PM20D1: variants seen among roughly 807,000 people sequenced by gnomAD.
The protein encoded by PM20D1 is N-fatty-acyl-amino acid synthase/hydrolase PM20D1.
In PM20D1, 53 loss-of-function variants were observed where a neutral mutation model predicts 53.8. That is an observed-to-expected ratio of 0.98 (90% confidence interval 0.79 to 1.24). PM20D1 has a LOEUF of 1.24. Among genes scored for constraint, PM20D1 ranks in the 50% most tolerant of loss-of-function variants. PM20D1 has a pLI of 0.00. For synonymous variants in PM20D1, 239 were observed against 241.3 expected, an observed-to-expected ratio of 0.99 and a Z score of 0.09; for missense variants, 564 against 616.8, an observed-to-expected ratio of 0.91 and a Z score of 0.91.
intron 4 of PM20D1, 92 bp downstream of exon 4, chr1:205,844,719 T>C: frequency 8.4e-7 from 1 of 1,183,496 alleles, no homozygotes; most frequent in East Asian, 2.4e-5. Context: ...CATGGAGACC[T>C]TGCTGCTGTG....
intron 8 of PM20D1, 78 bp downstream of exon 8, chr1:205,842,076 G>T: frequency 1.4e-6 from 2 of 1,431,222 alleles, no homozygotes; most frequent in South Asian, 1.2e-5. Context: ...GTCAGGCCCA[G>T]TTAAGCCAAG....
intron 11 of PM20D1, among the ~76,000 whole-genome samples, chr1:205,831,343 C>G (rs1656556164): frequency 6.6e-6 from 1 of 152,100 alleles, no homozygotes; most frequent in Non-Finnish European, 1.5e-5. Flanking sequence ...TCTGCAAAAG[C>G]CTGGCCCCAT....
At chr1:205,830,483 A>G (rs1656534610) in intron 11 of PM20D1, 104 bp from the exon 12 acceptor site, 1 of 762,804 alleles carries the variant, frequency 1.3e-6, no homozygotes, top group East Asian at 2.5e-5. Flanking sequence ...CTGGATCACT[A>G]CAGAGCAATG....
Position 205,832,666 on chromosome 1 carries a change from G to T in PM20D1, c.1217C>A (p.Ala406Asp). The T allele has an allele frequency of 1.2e-6, 2 of 1,614,134 alleles. No individual in the cohort carries two copies. The highest frequency in any genetic ancestry group is 1.7e-6 in the Non-Finnish European group (2 of 1,180,014). Reference sequence around the variant, plus strand: ...CTGGCGGAGCAGCTGGTAGCCCAAGGCCTTGTCATCAGAAGGGCTGACGGG... The same window carrying T: ...CTGGCGGAGCAGCTGGTAGCCCAAGTCCTTGTCATCAGAAGGGCTGACGGG... ...PLPVSPSDDK[A>D]LGYQLLRQTV... Residue 406 changes from alanine (A) to aspartate (D), a missense_variant, in exon 11 of 13, where the codon GCC (alanine) becomes GAC (aspartate). Coordinates refer to ENST00000367136, the MANE Select transcript of PM20D1 (RefSeq NM_152491.5).
chr1:205,847,782 C>T (rs1657024293), intron 2 of PM20D1, 103 bp downstream of exon 2: 1 of 794,630 alleles, frequency 1.3e-6, no homozygotes, highest in South Asian at 1.6e-5. Flanking sequence ...ATTAGATTGT[C>T]CTCTGATCAG....
In PM20D1 at chr1:205,830,339, G is replaced by T. The variant is rs369950557; in HGVS notation, c.1326C>A (p.Asn442Lys). The T allele has an allele frequency of 3.1e-6, 5 of 1,613,040 alleles. No individual in the cohort carries two copies. The South Asian group carries it at 5.5e-5, about 18-fold the overall frequency. The change falls in exon 12 of 13, where the codon AAC becomes AAA. Residue 442 changes from asparagine to lysine, a missense_variant. Asn to Lys is a moderately conservative substitution (Grantham distance 94). Transcript: ENST00000367136. ...IGNTDSRFFTNLTTGIYRFYP... is the reference protein window; with the variant it reads ...IGNTDSRFFTKLTTGIYRFYP... ...AGAACCTGTAGATGCCAGTGGTGAG[G>T]TTTGTAAAGAATCGGCTGTCTGTGT...
intron 11 of PM20D1, among the ~76,000 whole-genome samples, chr1:205,832,049 G>A (rs1656573930): frequency 1.3e-5 from 2 of 152,232 alleles, no homozygotes; most frequent in Admixed American, 1.3e-4. Context: ...TAGTTCACTG[G>A]GGAGACCTAT....
At chr1:205,842,527 C>T in intron 7 of PM20D1, 149 bp downstream of exon 7, 1 of 777,030 alleles carries the variant, frequency 1.3e-6, no homozygotes, top group South Asian at 1.7e-5. Flanking sequence ...AGCCAGATCC[C>T]TGTGTCTTGG....
intron 9 of PM20D1, 119 bp from the exon 10 acceptor site, chr1:205,840,442 C>A: frequency 1.3e-6 from 1 of 790,384 alleles, no homozygotes; most frequent in Non-Finnish European, 2.0e-6. Flanking sequence ...CTTAAGGACC[C>A]AAGGCTTAGC....
chr1:205,842,942 T>C (rs1053965232), intron 6 of PM20D1, among the ~76,000 whole-genome samples, 191 bp from the exon 7 acceptor site: 1 of 152,178 alleles, frequency 6.6e-6, no homozygotes, highest in African/African-American at 2.4e-5. Flanking sequence ...TTTCCCTGTC[T>C]ACCAAGTCTG....
intron 1 of PM20D1, 36 bp downstream of exon 1, chr1:205,849,868 T>G (rs1657090197): frequency 2.5e-6 from 4 of 1,576,562 alleles, no homozygotes; most frequent in Non-Finnish European, 3.5e-6. Flanking sequence ...GGGACCCACA[T>G]ATGAGCATAG....
intron 12 of PM20D1, among the ~76,000 whole-genome samples, chr1:205,829,173 G>A (rs915260389): frequency 3.3e-5 from 5 of 152,060 alleles, no homozygotes; most frequent in Admixed American, 6.6e-5. Context: ...GGGACCCCAG[G>A]TGTGTGGCTA....
rs1216903589 is a variant in PM20D1 at position 205,828,428 on chromosome 1, A to C, written c.*192T>G. ...TCAAGGGATGCAGATGTCGGGAGGA[A>C]GGGAGAAGCCAGATTTCTGCTGACT... On this transcript the variant is annotated 3_prime_UTR_variant, in exon 13 of 13. Transcript: ENST00000367136. 5 of 692,546 alleles carry C rather than the reference A, an allele frequency of 7.2e-6. No individual in the cohort carries two copies. The Admixed American group carries it at 1.3e-4, about 18-fold the overall frequency. 42.9% of individuals were successfully genotyped at this position (692,546 alleles called of 1,614,324 possible).
intron 1 of PM20D1, among the ~76,000 whole-genome samples, 162 bp downstream of exon 1, chr1:205,849,742 G>A (rs1657085258): frequency 6.6e-6 from 1 of 152,052 alleles, no homozygotes; most frequent in African/African-American, 2.4e-5. Flanking sequence ...CCAGACAGGG[G>A]CACGATGTGC....
chr1:205,830,865 C>A (rs949643287), intron 11 of PM20D1, among the ~76,000 whole-genome samples: 2 of 152,032 alleles, frequency 1.3e-5, no homozygotes, highest in African/African-American at 4.8e-5. Context: ...CCAGTATCTT[C>A]ATTTCATACC....
In PM20D1 at chr1:205,830,311, G is replaced by A. The variant is rs149809121; in HGVS notation, c.1354C>T (p.Pro452Ser). ...NLTTGIYRFY[P>S]IYIQPEDFKR... ...AAGTCTTCAGGCTGTATGTAGATGG[G>A]GTAGAACCTGTAGATGCCAGTGGTG... The change falls in exon 12 of 13, where the codon CCC becomes TCC. Residue 452 changes from proline (P) to serine (S), a missense_variant. Coordinates refer to ENST00000367136, the MANE Select transcript of PM20D1 (RefSeq NM_152491.5). 94 of 1,612,186 alleles carry A rather than the reference G, an allele frequency of 5.8e-5. 1 individual carries two copies. The Middle Eastern group carries it at 8.2e-4, about 14-fold the overall frequency.
Position 205,828,493 on chromosome 1 carries a change from T to G in PM20D1, c.*127A>C. Reference sequence around the variant, plus strand: ...CCTTGTTCTTGGGAGAGTTTAAGAGTGAGCAAGACAGATGGGCAATGTTTT... The same window carrying G: ...CCTTGTTCTTGGGAGAGTTTAAGAGGGAGCAAGACAGATGGGCAATGTTTT... On this transcript the variant is annotated 3_prime_UTR_variant, in exon 13 of 13. Transcript: ENST00000367136. The G allele has an allele frequency of 7.5e-7, 1 of 1,339,266 alleles. No homozygotes were observed. Among genetic ancestry groups the G allele is most frequent in the East Asian group, 2.5e-5 (1 of 39,780 alleles). The allele number at this position is 1,339,266 out of a possible 1,614,324, so 83.0% of individuals were successfully genotyped here.
intron 2 of PM20D1, among the ~76,000 whole-genome samples, chr1:205,846,342 C>T (rs1213239079): frequency 1.3e-5 from 2 of 151,634 alleles, no homozygotes; most frequent in African/African-American, 4.8e-5. Context: ...GCCGAGATCA[C>T]ACCACTGCAC....
intron 9 of PM20D1, among the ~76,000 whole-genome samples, chr1:205,841,257 C>T (rs773959674): frequency 6.6e-6 from 1 of 152,150 alleles, no homozygotes; most frequent in African/African-American, 2.4e-5. Context: ...AAGTGCATAT[C>T]TTTCTTTGAA....
Sources: allele counts gnomAD v4.1 joint callset (sites outside exome capture counted in the v4.1 genomes callset), GRCh38; gene constraint gnomAD v4.1.1; transcripts MANE v1.5; gene names NCBI Gene and HGNC (gene_info 2026-07-23, HGNC 2026-07-21).